The following NT5DC3 variants were observed in gnomAD, a reference collection of about 807,000 sequenced individuals.
NT5DC3 encodes the protein 5'-nucleotidase domain containing 3.
A neutral mutation model predicts 67.8 loss-of-function variants in NT5DC3; 42 were observed. The observed-to-expected ratio is 0.62, with a 90% CI of 0.48 to 0.80. NT5DC3 has a LOEUF of 0.80. Among genes scored for constraint, NT5DC3 ranks in the 30% least tolerant of loss-of-function variants. The probability of loss-of-function intolerance (pLI) is 0.00; values close to 1 mark genes in which losing one functional copy is unlikely to be tolerated. For synonymous variants in NT5DC3, 237 were observed against 255.6 expected (o/e 0.93, Z 0.69); for missense variants, 570 against 696.4 (o/e 0.82, Z 2.04).
chr12:103,823,543 T>C (rs115886565), intron 1 of NT5DC3, among the ~76,000 whole-genome samples: 2,032 of 152,276 alleles, frequency 0.013, 46 homozygotes, highest in African/African-American at 0.047. Flanking sequence ...AATTTGCTTT[T>C]CCCTAATTGG....
chr12:103,771,114 TCAGA>T (rs1885172107), downstream of NT5DC3: 1 of 152,232 alleles, frequency 6.6e-6, no homozygotes, highest in African/African-American at 2.4e-5. Context: ...ATGAATGGAC[TCAGA>T]CAGTAAGTAC....
chr12:103,832,502 A>G (rs12299784), intron 1 of NT5DC3, among the ~76,000 whole-genome samples: 27,572 of 151,848 alleles, frequency 0.18, 2,647 homozygotes, highest in Middle Eastern at 0.31. Context: ...TGGCAAAAAA[A>G]TTATTTAATC....
At chr12:103,781,900 G>A (rs1885567899) in intron 12 of NT5DC3, among the ~76,000 whole-genome samples, 1 of 152,136 alleles carries the variant, frequency 6.6e-6, no homozygotes, top group Non-Finnish European at 1.5e-5. Context: ...CAGCTCTTTA[G>A]GGGCAAAACA....
chr12:103,749,587 T>C, the NT5DC3 span, among the ~76,000 whole-genome samples: 1 of 150,638 alleles, frequency 6.6e-6, no homozygotes, highest in East Asian at 1.9e-4. Context: ...CCCAGTACTT[T>C]GGGAGGCCGA....
chr12:103,806,235 T>C, intron 4 of NT5DC3, 87 bp downstream of exon 4: 1 of 821,274 alleles, frequency 1.2e-6, no homozygotes, highest in South Asian at 1.4e-5. Context: ...ACTGCAGCCC[T>C]CTTCATCATT....
chr12:103,801,668 A>G (rs1421082091), intron 4 of NT5DC3, among the ~76,000 whole-genome samples: 2 of 152,098 alleles, frequency 1.3e-5, no homozygotes, highest in African/African-American at 2.4e-5. Flanking sequence ...GGCACGAGCC[A>G]CAGTGCCCAG....
Position 103,793,427 on chromosome 12 carries a change from A to C in NT5DC3, c.900T>G (p.Asn300Lys). Reference protein sequence around the residue: ...DHGKKMFLITNSPSSFVDKGM... With the variant: ...DHGKKMFLITKSPSSFVDKGM... ...CAACTTACACAAAGCTACTGGGGCTATTGGTGATGAGAAACATCTTCTTGC... is the reference window on the plus strand; with the variant it reads ...CAACTTACACAAAGCTACTGGGGCTCTTGGTGATGAGAAACATCTTCTTGC... Residue 300 changes from asparagine (N) to lysine (K), a missense_variant, in exon 8 of 14, where the codon AAT (asparagine) becomes AAG (lysine). Asn to Lys is a moderately conservative substitution (Grantham distance 94). Coordinates refer to ENST00000392876, the MANE Select transcript of NT5DC3 (RefSeq NM_001031701.3). 1 of 1,614,076 alleles carries C rather than the reference A, an allele frequency of 6.2e-7. No individual in the cohort carries two copies. Among genetic ancestry groups the C allele is most frequent in the Non-Finnish European group, 8.5e-7 (1 of 1,179,890 alleles).
the NT5DC3 span, chr12:103,758,193 C>T: frequency 1.9e-6 from 3 of 1,614,174 alleles, no homozygotes; most frequent in Non-Finnish European, 2.5e-6. Flanking sequence ...ATTCCAACAG[C>T]TCAGCTCGAG....
At chr12:103,790,694 CTTTTTTT>C (rs67812943) in intron 9 of NT5DC3, among the ~76,000 whole-genome samples, 8,919 of 74,384 alleles carry the variant, frequency 0.12, 470 homozygotes, top group East Asian at 0.33. Flanking sequence ...CCAAGTACAT[CTTTTTTT>C]TTTTTTTTTT....
chr12:103,820,241 T>A (rs780679177), intron 1 of NT5DC3, among the ~76,000 whole-genome samples: 3 of 152,216 alleles, frequency 2.0e-5, no homozygotes, highest in Non-Finnish European at 2.9e-5. Context: ...TCGTTTCCAA[T>A]CTTTTTGGGT....
At chr12:103,806,463 T>C in intron 3 of NT5DC3, 86 bp from the exon 4 acceptor site, 1 of 933,930 alleles carries the variant, frequency 1.1e-6, no homozygotes, top group East Asian at 2.5e-5. Flanking sequence ...TCATATATCC[T>C]ATCAACATTA....
At chr12:103,765,324 G>A in the NT5DC3 span, among the ~76,000 whole-genome samples, 1 of 152,162 alleles carries the variant, frequency 6.6e-6, no homozygotes, top group African/African-American at 2.4e-5. Context: ...GCAGGATTCA[G>A]CTAAACCTAC....
chr12:103,778,083 T>G lies in NT5DC3; in HGVS notation c.1395-2A>C. ...TTGAAGAAACTCTTGGTCATTTCTC[T>G]GAAGAGGCAATAAAAAAGCAAAGCA... On this transcript the variant is annotated splice_acceptor_variant, in intron 13 of 13. Coordinates refer to ENST00000392876, the MANE Select transcript of NT5DC3 (RefSeq NM_001031701.3). LOFTEE classifies it high-confidence loss of function. The G allele has an allele frequency of 6.3e-7, 1 of 1,595,058 alleles. No homozygotes were observed. The highest frequency in any genetic ancestry group is 8.6e-7 in the Non-Finnish European group (1 of 1,169,016).
chr12:103,836,107 G>T (rs1888136476), intron 1 of NT5DC3, among the ~76,000 whole-genome samples: 2 of 152,148 alleles, frequency 1.3e-5, no homozygotes, highest in South Asian at 4.1e-4. Flanking sequence ...CCCACAACAT[G>T]TGGGAAATCT....
chr12:103,779,912 A>T (rs1885479282), intron 13 of NT5DC3, among the ~76,000 whole-genome samples: 1 of 152,130 alleles, frequency 6.6e-6, no homozygotes, highest in Admixed American at 6.5e-5. Flanking sequence ...GAGCCCTAAG[A>T]ATTCATTGAG....
intron 1 of NT5DC3, among the ~76,000 whole-genome samples, chr12:103,825,778 AAG>A (rs1475737701): frequency 2.0e-5 from 3 of 152,242 alleles, no homozygotes; most frequent in Non-Finnish European, 4.4e-5. Flanking sequence ...TATCGAAGAG[AAG>A]AGAGCCATGT....
chr12:103,761,122 A>G, the NT5DC3 span, among the ~76,000 whole-genome samples: 1 of 152,182 alleles, frequency 6.6e-6, no homozygotes, highest in African/African-American at 2.4e-5. Flanking sequence ...TTGTTGGCAC[A>G]GGACAATTAA....
intron 9 of NT5DC3, among the ~76,000 whole-genome samples, chr12:103,791,345 G>C (rs920643166): frequency 2.0e-5 from 3 of 151,992 alleles, no homozygotes; most frequent in Admixed American, 1.3e-4. Flanking sequence ...AGAAAATGGT[G>C]AGGGCATCAT....
rs565268122 is a variant in NT5DC3 at position 103,773,409 on chromosome 12, C to T, written c.*4420G>A. 6.6e-6 allele frequency: 1 copy of T among 152,312 alleles called. No individual in the cohort carries two copies. The highest frequency in any genetic ancestry group is 1.5e-5 in the Non-Finnish European group (1 of 68,028). 9.4% of individuals were successfully genotyped at this position (152,312 alleles called of 1,614,324 possible). ...TTCATTCCCTACCCTTTCTTGAACG[C>T]ACTAGCAGTGTCAAAGGTTAGCTGA... On this transcript the variant is annotated 3_prime_UTR_variant, in exon 14 of 14. Transcript: ENST00000392876.
Sources: gnomAD v4.1 joint callset for allele counts (sites outside exome capture counted in the v4.1 genomes callset) on GRCh38, gnomAD v4.1.1 for gene constraint, MANE v1.5 for transcripts, NCBI Gene and HGNC (gene_info 2026-07-23, HGNC 2026-07-21) for gene names.